PPP1R1C: variants seen among roughly 807,000 people sequenced by gnomAD.
PPP1R1C encodes protein phosphatase 1 regulatory inhibitor subunit 1C.
PPP1R1C carries 15 observed loss-of-function variants against 17.4 expected under a neutral mutation model. The ratio of observed to expected loss-of-function variants is 0.86; its 90% CI spans 0.58 to 1.33. The LOEUF is 1.33. Among genes scored for constraint, PPP1R1C ranks in the 40% most tolerant of loss-of-function variants. PPP1R1C has a pLI of 0.00. For missense variants in PPP1R1C, 143 were observed against 130.0 expected (o/e 1.10, Z -0.48); for synonymous variants, 35 against 43.1 (o/e 0.81, Z 0.73).
intron 2 of PPP1R1C, among the ~76,000 whole-genome samples, chr2:182,038,433 A>G (rs1242994854): frequency 6.6e-6 from 1 of 152,162 alleles, no homozygotes; most frequent in Non-Finnish European, 1.5e-5. Context: ...TTCTGTCTCA[A>G]TATTTGCATC....
At chr2:181,988,731 G>T (rs2059701) in intron 2 of PPP1R1C, among the ~76,000 whole-genome samples, 1 of 152,050 alleles carries the variant, frequency 6.6e-6, no homozygotes, top group South Asian at 2.1e-4. Flanking sequence ...AGACTGTAGC[G>T]AGTGATCTAA....
At chr2:182,115,294 A>G (rs970024364) in intron 4 of PPP1R1C, among the ~76,000 whole-genome samples, 6 of 152,198 alleles carry the variant, frequency 3.9e-5, no homozygotes, top group African/African-American at 1.4e-4. Flanking sequence ...AGCAGCCAAA[A>G]AGCTAAAGGT....
chr2:182,077,618 C>A (rs559732284), intron 4 of PPP1R1C, among the ~76,000 whole-genome samples: 1 of 152,194 alleles, frequency 6.6e-6, no homozygotes, highest in Admixed American at 6.5e-5. Flanking sequence ...TCCCATGGAG[C>A]CACTGCAGTG....
chr2:182,069,726 A>T (rs1559080398), intron 4 of PPP1R1C, among the ~76,000 whole-genome samples: 1 of 152,216 alleles, frequency 6.6e-6, no homozygotes, highest in African/African-American at 2.4e-5. Flanking sequence ...ACCTATTTTA[A>T]AATTAATTAA....
At chr2:182,045,593 A>T (rs1418080193) in intron 2 of PPP1R1C, among the ~76,000 whole-genome samples, 1 of 152,134 alleles carries the variant, frequency 6.6e-6, no homozygotes, top group African/African-American at 2.4e-5. Flanking sequence ...TAACTAAAAA[A>T]TAAAAGTTTT....
chr2:182,105,316 A>T (rs998446603), intron 4 of PPP1R1C, among the ~76,000 whole-genome samples: 3 of 152,222 alleles, frequency 2.0e-5, no homozygotes, highest in Non-Finnish European at 4.4e-5. Context: ...TTTTCAGGAA[A>T]TGTTGAAGCC....
At chr2:182,091,414 T>G (rs1688775612) in intron 4 of PPP1R1C, among the ~76,000 whole-genome samples, 1 of 151,640 alleles carries the variant, frequency 6.6e-6, no homozygotes, top group Non-Finnish European at 1.5e-5. Flanking sequence ...GATAGGTGGA[T>G]GAGTGAACAG....
rs139019706 is a variant in PPP1R1C, at chr2:182,109,497, T to C, written c.242-7710T>C. On this transcript the variant is annotated intron_variant, in intron 4 of 4. Coordinates refer to ENST00000682840, the MANE Select transcript of PPP1R1C (RefSeq NM_001080545.3). ...TGTGTGTTTTACATTGAAGTCTGGATCAATTTGGGTTTTTTTGGTGAAGAG... is the reference window on the plus strand; with the variant it reads ...TGTGTGTTTTACATTGAAGTCTGGACCAATTTGGGTTTTTTTGGTGAAGAG... 4.4e-3 allele frequency among the ~76,000 whole-genome samples: 669 copies of C among 152,334 alleles called. 2 individuals are homozygous for C. Among genetic ancestry groups the C allele is most frequent in the Non-Finnish European group, 7.8e-3 (530 of 68,024 alleles).
In PPP1R1C at chr2:182,112,015, G is replaced by A. The variant is rs1404137796; in HGVS notation, c.242-5192G>A. Reference sequence around the variant, plus strand: ...CCAAATTACTATCCATTGACTCGGAGCTCTTCTTTTCATTATCAGAATTTT... The same window carrying A: ...CCAAATTACTATCCATTGACTCGGAACTCTTCTTTTCATTATCAGAATTTT... On this transcript the variant is annotated intron_variant, in intron 4 of 4. Transcript: ENST00000682840. 2.0e-5 allele frequency among the ~76,000 whole-genome samples: 3 copies of A among 152,238 alleles called. No individual in the cohort carries two copies. The East Asian group carries it at 5.8e-4, about 29-fold the overall frequency.
intron 5 of PPP1R1C, among the ~76,000 whole-genome samples, chr2:182,127,639 T>C (rs1689907213): frequency 6.6e-6 from 1 of 151,768 alleles, no homozygotes; most frequent in South Asian, 2.1e-4. Flanking sequence ...GAAGCAAAAC[T>C]TTTTTAGAAA....
chr2:182,074,626 A>G (rs1191135656), intron 4 of PPP1R1C, among the ~76,000 whole-genome samples: 1 of 152,220 alleles, frequency 6.6e-6, no homozygotes, highest in African/African-American at 2.4e-5. Context: ...CATTCTTCAC[A>G]AACTTGTCCT....
Position 181,961,912 on chromosome 2 carries a change from A to G in PPP1R1C, n.111+7278A>G. The stretch of plus-strand genomic sequence containing the variant: ...TGGCAGCCAAGTGACATTGGTCATC[A>G]GTGACCTTGTGGAGCCCATGGATGT... On this transcript the variant is annotated intron_variant and non_coding_transcript_variant, in intron 1 of 5. Coordinates refer to the PPP1R1C transcript ENST00000464264. This position sits in a 1 kb window ranked among gnomAD's most constrained non-coding sequence, Gnocchi z 5.8. 2.7e-6 allele frequency: 2 copies of G among 751,208 alleles called. No individual in the cohort carries two copies. The highest frequency in any genetic ancestry group is 4.9e-6 in the Non-Finnish European group (2 of 411,630). 46.5% of individuals were successfully genotyped at this position (751,208 alleles called of 1,614,324 possible).
intron 4 of PPP1R1C, among the ~76,000 whole-genome samples, chr2:182,082,116 T>C (rs1688498290): frequency 6.6e-6 from 1 of 152,214 alleles, no homozygotes; most frequent in Admixed American, 6.5e-5. Context: ...TCTACCACTC[T>C]GTTTTCCATA....
At chr2:181,960,001 T>C (rs1232610727) in intron 1 of PPP1R1C, among the ~76,000 whole-genome samples, 1 of 152,222 alleles carries the variant, frequency 6.6e-6, no homozygotes, top group Non-Finnish European at 1.5e-5. Context: ...ACCATGTGAT[T>C]CTTGTGTTAA....
chr2:182,064,666 T>C (rs994426921), intron 4 of PPP1R1C, among the ~76,000 whole-genome samples: 1 of 152,120 alleles, frequency 6.6e-6, no homozygotes, highest in Non-Finnish European at 1.5e-5. Context: ...TAATAGCTAC[T>C]TTCAGTAGAC....
intron 2 of PPP1R1C, among the ~76,000 whole-genome samples, chr2:182,053,873 C>T (rs1163496420): frequency 2.0e-5 from 3 of 151,878 alleles, no homozygotes; most frequent in Non-Finnish European, 4.4e-5. Flanking sequence ...CTCCGCCTCC[C>T]AGGTTCAAGT....
rs558360427 is a variant in PPP1R1C at position 182,030,259 on chromosome 2, A to G, written c.143-31183A>G. On this transcript the variant is annotated intron_variant, in intron 2 of 4. Transcript: ENST00000682840. ...AGCTTTGTTCCATTGCTGGTGAAGA[A>G]CTGCGTTCCTTTGGAGGAGGAGAGG... 4.6e-5 allele frequency among the ~76,000 whole-genome samples: 7 copies of G among 152,318 alleles called. No individual in the cohort carries two copies. In the South Asian group the frequency reaches 6.2e-4, roughly 14 times the overall value.
intron 1 of PPP1R1C, among the ~76,000 whole-genome samples, chr2:181,969,284 C>T (rs1361996164): frequency 6.6e-6 from 1 of 152,086 alleles, no homozygotes; most frequent in South Asian, 2.1e-4. Context: ...TAGGACAGGG[C>T]TAATGTTGAT....
intron 2 of PPP1R1C, among the ~76,000 whole-genome samples, chr2:182,055,522 G>T (rs1687656374): frequency 6.6e-6 from 1 of 151,814 alleles, no homozygotes; most frequent in Non-Finnish European, 1.5e-5. Flanking sequence ...ATTCATTTAG[G>T]GTATATCTGC....
Sources: allele counts gnomAD v4.1 joint callset (sites outside exome capture counted in the v4.1 genomes callset), GRCh38; gene constraint gnomAD v4.1.1; non-coding constraint Gnocchi (gnomAD v3.1); transcripts MANE v1.5; gene names NCBI Gene and HGNC (gene_info 2026-07-23, HGNC 2026-07-21).